EXOC6B: variants seen among roughly 807,000 people sequenced by gnomAD.
EXOC6B encodes exocyst complex component 6B, also known as SEC15 homolog B.
Under a neutral mutation model 113.5 loss-of-function variants are expected in EXOC6B, and 54 were observed. The ratio of observed to expected loss-of-function variants is 0.48; its 90% CI spans 0.38 to 0.60. The LOEUF is 0.60. EXOC6B is among the 20% of genes least tolerant of loss of function. The pLI is 0.00. For missense variants in EXOC6B, 797 were observed against 977.5 expected (o/e 0.82, Z 2.46); for synonymous variants, 357 against 339.0 (o/e 1.05, Z -0.58).
intron 18 of EXOC6B, among the ~76,000 whole-genome samples, chr2:72,380,765 T>A (rs1341333889): frequency 6.6e-6 from 1 of 152,234 alleles, no homozygotes; most frequent in African/African-American, 2.4e-5. Context: ...AAACTCTAGG[T>A]CAATTTTGAA....
intron 20 of EXOC6B, among the ~76,000 whole-genome samples, chr2:72,209,122 C>T (rs1487205613): frequency 6.7e-6 from 1 of 148,784 alleles, no homozygotes; most frequent in East Asian, 2.0e-4. Context: ...ATTCTGGAGG[C>T]TGAGACAGGA....
chr2:72,358,263 T>G (rs1690091017), intron 19 of EXOC6B, among the ~76,000 whole-genome samples: 1 of 151,852 alleles, frequency 6.6e-6, no homozygotes, highest in Non-Finnish European at 1.5e-5. Flanking sequence ...GCTATCCACG[T>G]GCTCCCCCTT....
chr2:72,553,423 C>T (rs1005284558), intron 8 of EXOC6B, among the ~76,000 whole-genome samples: 5 of 151,792 alleles, frequency 3.3e-5, no homozygotes, highest in African/African-American at 1.2e-4. Context: ...TCTAGAAGGA[C>T]TTTTTGAATA....
chr2:72,491,270 C>T (rs1414972142), intron 16 of EXOC6B, among the ~76,000 whole-genome samples: 1 of 152,070 alleles, frequency 6.6e-6, no homozygotes, highest in Non-Finnish European at 1.5e-5. Context: ...AACTCAATCA[C>T]TTCCAATGTC....
intron 1 of EXOC6B, among the ~76,000 whole-genome samples, chr2:72,818,004 C>T (rs1294813298): frequency 6.6e-6 from 1 of 152,112 alleles, no homozygotes; most frequent in Non-Finnish European, 1.5e-5. Flanking sequence ...CAGAGTCTCG[C>T]TCTGTCGCCC....
chr2:72,428,670 C>A (rs561063829), intron 18 of EXOC6B, among the ~76,000 whole-genome samples: 1 of 152,282 alleles, frequency 6.6e-6, no homozygotes, highest in South Asian at 2.1e-4. Flanking sequence ...CGGGCACAAG[C>A]AAAACTTGGG....
At chr2:72,334,038 C>T (rs1688553710) in intron 20 of EXOC6B, among the ~76,000 whole-genome samples, 1 of 150,536 alleles carries the variant, frequency 6.6e-6, no homozygotes, top group Non-Finnish European at 1.5e-5. Context: ...ATCATTATGG[C>T]AGGAGAAACA....
chr2:72,179,706 T>A (rs2104191769), intron 21 of EXOC6B, among the ~76,000 whole-genome samples: 1 of 152,122 alleles, frequency 6.6e-6, no homozygotes, highest in East Asian at 1.9e-4. Flanking sequence ...GAGGGGTCAA[T>A]CTCCCTACCC....
chr2:72,362,228 T>C (rs1012852114), intron 19 of EXOC6B, among the ~76,000 whole-genome samples: 1 of 152,210 alleles, frequency 6.6e-6, no homozygotes, highest in African/African-American at 2.4e-5. Context: ...AAAAGATTCA[T>C]GGATCCTGGG....
intron 6 of EXOC6B, among the ~76,000 whole-genome samples, chr2:72,644,541 A>G (rs1188332791): frequency 6.6e-6 from 1 of 152,214 alleles, no homozygotes; most frequent in Non-Finnish European, 1.5e-5. Context: ...CCAGAGAGAA[A>G]GGTCAGGTTA....
chr2:72,606,312 T>C (rs1670749758), intron 6 of EXOC6B, among the ~76,000 whole-genome samples: 2 of 151,736 alleles, frequency 1.3e-5, no homozygotes, highest in Non-Finnish European at 1.5e-5. Flanking sequence ...CACCACTGCA[T>C]ATATATATAT....
intron 6 of EXOC6B, among the ~76,000 whole-genome samples, chr2:72,626,886 A>C (rs1391140504): frequency 6.6e-6 from 1 of 152,092 alleles, no homozygotes; most frequent in Non-Finnish European, 1.5e-5. Flanking sequence ...CTGTGGGCTA[A>C]AGATTGATCC....
intron 8 of EXOC6B, among the ~76,000 whole-genome samples, chr2:72,532,305 A>G (rs1702048842): frequency 6.6e-6 from 1 of 152,136 alleles, no homozygotes; most frequent in Admixed American, 6.5e-5. Context: ...ACAATGTACC[A>G]TTTTTTCCCT....
chr2:72,559,746 C>T (rs1278627201), intron 7 of EXOC6B, among the ~76,000 whole-genome samples: 1 of 152,074 alleles, frequency 6.6e-6, no homozygotes. Context: ...GGCACAAAGC[C>T]CACAAGGATG....
At chr2:72,286,732 A>T (rs1455396435) in intron 20 of EXOC6B, among the ~76,000 whole-genome samples, 1 of 152,162 alleles carries the variant, frequency 6.6e-6, no homozygotes, top group Non-Finnish European at 1.5e-5. Context: ...GAGGCTATGC[A>T]TGTAGAGGGG....
chr2:72,576,415 G>A (rs745937012), intron 6 of EXOC6B, among the ~76,000 whole-genome samples: 2 of 152,080 alleles, frequency 1.3e-5, no homozygotes, highest in Non-Finnish European at 2.9e-5. Context: ...GGACTATCCA[G>A]AGTCAACAAC....
At position 72,400,253 on chromosome 2, in the gene EXOC6B, A is replaced by G. The variant is rs148618647; in HGVS notation, c.1981-20383T>C. Among the ~76,000 whole-genome samples the G allele has an allele frequency of 5.8e-3, 883 of 152,228 alleles. 10 individuals are homozygous for G. Among genetic ancestry groups the G allele is most frequent in the African/African-American group, 0.02 (816 of 41,562 alleles). ...TATGCAGAATAATGAAACTGGACAT[A>G]TATCTCTCACTATATACAAACATTA... is the stretch of plus-strand genomic sequence containing the variant. On this transcript the variant is annotated intron_variant, in intron 18 of 21. Coordinates refer to ENST00000272427, the MANE Select transcript of EXOC6B (RefSeq NM_015189.3).
At chr2:72,803,119 C>A (rs1218436751) in intron 1 of EXOC6B, among the ~76,000 whole-genome samples, 1 of 152,100 alleles carries the variant, frequency 6.6e-6, no homozygotes, top group East Asian at 1.9e-4. Context: ...GGGATAAAGA[C>A]CCCAAGCATA....
At chr2:72,229,189 C>T (rs6760895) in intron 20 of EXOC6B, among the ~76,000 whole-genome samples, 63,544 of 151,768 alleles carry the variant, frequency 0.42, 16,324 homozygotes, top group African/African-American at 0.72. Flanking sequence ...AGTAGTGATG[C>T]CTTTAATGGG....
Sources: gnomAD v4.1 joint callset for allele counts (sites outside exome capture counted in the v4.1 genomes callset) on GRCh38, gnomAD v4.1.1 for gene constraint, MANE v1.5 for transcripts, NCBI Gene and HGNC (gene_info 2026-07-23, HGNC 2026-07-21) for gene names.